Variants in COL6A2 observed in about 807,000 individuals in gnomAD.
COL6A2 encodes collagen type VI alpha 2 chain.
In COL6A2, 90 loss-of-function variants were observed where a neutral mutation model predicts 124.9. The observed-to-expected ratio is 0.72, with a 90% confidence interval of 0.61 to 0.86. COL6A2 has a LOEUF of 0.86. Ranked by LOEUF, COL6A2 falls within the 40% of genes least tolerant of loss-of-function variation. The probability of loss-of-function intolerance (pLI) is 0.00; values close to 1 mark genes in which losing one functional copy is unlikely to be tolerated. For synonymous variants in COL6A2, 793 were observed against 618.2 expected (o/e 1.28, Z -4.19); for missense variants, 1,607 against 1,502.5 (o/e 1.07, Z -1.15).
intron 27 of COL6A2, among the ~76,000 whole-genome samples, chr21:46,126,761 A>G (rs1176512845): frequency 2.0e-5 from 3 of 152,156 alleles, no homozygotes; most frequent in African/African-American, 7.2e-5. Context: ...CAGCATCACG[A>G]GGCCATGAGG....
Position 46,132,498 on chromosome 21 carries a change from T to C in COL6A2, c.3006T>C (p.Tyr1002=), listed in dbSNP as rs1430017136. ...DRAAVFHEKD[Y]DSLAQPGFFD... ...CCGCCGTGTTCCACGAGAAGGACTA[T>C]GACAGCCTGGCGCAACCCGGCTTCT... Residue 1002 remains tyrosine, a synonymous_variant, in exon 28 of 28, where the codon TAT becomes TAC. Transcript: ENST00000300527. 7.5e-6 allele frequency: 12 copies of C among 1,607,922 alleles called. No individual in the cohort carries two copies. The highest frequency in any genetic ancestry group is 1.0e-5 in the Non-Finnish European group (12 of 1,179,402).
chr21:46,123,968 T>TGTGA (rs151008479), intron 21 of COL6A2, among the ~76,000 whole-genome samples: 1 of 123,938 alleles, frequency 8.1e-6, no homozygotes, highest in African/African-American at 3.3e-5. Flanking sequence ...TAGATGGGTA[T>TGTGA]GTGAGTGAGT....
intron 3 of COL6A2, 108 bp downstream of exon 3, chr21:46,112,685 G>A (rs1165838512): frequency 6.3e-7 from 1 of 1,596,392 alleles, no homozygotes; most frequent in Non-Finnish European, 8.6e-7. Flanking sequence ...GGCCGAAGGA[G>A]GAAGCTCCGG....
intron 27 of COL6A2, 60 bp downstream of exon 27, chr21:46,126,601 C>T: frequency 6.2e-7 from 1 of 1,604,454 alleles, no homozygotes; most frequent in Non-Finnish European, 8.5e-7. Context: ...GGTGTCCTTC[C>T]TCCTCGAGGG....
chr21:46,126,291 G>C, intron 26 of COL6A2, 54 bp downstream of exon 26: 1 of 1,582,658 alleles, frequency 6.3e-7, no homozygotes, highest in Non-Finnish European at 8.6e-7. Flanking sequence ...CCCAGCCGCT[G>C]TCTAGCGTGA....
intron 1 of COL6A2, among the ~76,000 whole-genome samples, chr21:46,110,853 C>T (rs1488491122): frequency 2.2e-5 from 1 of 45,332 alleles, no homozygotes; most frequent in East Asian, 4.9e-4. Context: ...GGAGGATGGA[C>T]GTTCAAGGGC....
chr21:46,119,962 C>G (rs779943874), intron 15 of COL6A2, 112 bp downstream of exon 15: 9 of 939,968 alleles, frequency 9.6e-6, no homozygotes, highest in Non-Finnish European at 1.5e-5. Context: ...CAGGGCCTCA[C>G]TCTCCAGAGT....
chr21:46,112,796 T>C lies in COL6A2; in HGVS notation c.715-8T>C. On this transcript the variant is annotated splice_region_variant and splice_polypyrimidine_tract_variant and intron_variant, in intron 3 of 27. Transcript: ENST00000300527. ...CACGGCTAACCAGCATGTCTGTCTT[T>C]TCTGCAGAAACACGAAGCCTACGGA... is the stretch of plus-strand genomic sequence containing the variant. 1 of 1,613,836 alleles carries C rather than the reference T, an allele frequency of 6.2e-7. No homozygotes were observed. The highest frequency in any genetic ancestry group is 8.5e-7 in the Non-Finnish European group (1 of 1,180,010).
At chr21:46,108,700 G>T (rs2078361958) in intron 1 of COL6A2, among the ~76,000 whole-genome samples, 1 of 152,116 alleles carries the variant, frequency 6.6e-6, no homozygotes, top group Admixed American at 6.5e-5. Flanking sequence ...AGTGTTTGTG[G>T]CAACACTGTA....
intron 23 of COL6A2, 58 bp from the exon 24 acceptor site, chr21:46,125,208 C>G (rs1045503853): frequency 1.9e-4 from 281 of 1,512,398 alleles, no homozygotes; most frequent in Non-Finnish European, 2.4e-4. Flanking sequence ...CAGGACCTTG[C>G]TGTGGAAACT....
chr21:46,127,272 G>C (rs1807791862), intron 27 of COL6A2, among the ~76,000 whole-genome samples: 2 of 152,156 alleles, frequency 1.3e-5, no homozygotes, highest in South Asian at 4.1e-4. Context: ...ACCACAGGGA[G>C]GAAACCTCAG....
In COL6A2 at chr21:46,132,529, C is replaced by G; in HGVS notation, c.3037C>G (p.Arg1013Gly). 2 of 1,605,140 alleles carry G rather than the reference C, an allele frequency of 1.2e-6. No homozygotes were observed. The highest frequency in any genetic ancestry group is 1.7e-6 in the Non-Finnish European group (2 of 1,179,208). The change falls in exon 28 of 28, where the codon CGC becomes GGC. Residue 1013 changes from arginine to glycine, a missense_variant. Coordinates refer to ENST00000300527, the MANE Select transcript of COL6A2 (RefSeq NM_001849.4). Reference protein sequence around the residue: ...DSLAQPGFFDRFIRWIC With the variant: ...DSLAQPGFFDGFIRWIC ...CCTGGCGCAACCCGGCTTCTTCGACCGCTTCATCCGCTGGATCTGCTAGCG... is the reference window on the plus strand; with the variant it reads ...CCTGGCGCAACCCGGCTTCTTCGACGGCTTCATCCGCTGGATCTGCTAGCG...
In COL6A2 at chr21:46,125,770, G is replaced by A. The variant is rs372285273; in HGVS notation, c.1970-15G>A. 83 of 1,610,676 alleles carry A rather than the reference G, an allele frequency of 5.2e-5. No homozygotes were observed. Among genetic ancestry groups the A allele is most frequent in the African/African-American group, 2.5e-4 (19 of 75,012 alleles). ...CCGAGGCCTCTGGCAACGACCTCACGCGTGCGGCTTGCAGGGACGCGTGTG... is the reference window on the plus strand; with the variant it reads ...CCGAGGCCTCTGGCAACGACCTCACACGTGCGGCTTGCAGGGACGCGTGTG... On this transcript the variant is annotated splice_polypyrimidine_tract_variant and intron_variant, in intron 25 of 27. Transcript: ENST00000300527.
intron 15 of COL6A2, 84 bp downstream of exon 15, chr21:46,119,934 C>T (rs948780816): frequency 1.2e-5 from 14 of 1,189,240 alleles, no homozygotes; most frequent in Non-Finnish European, 1.5e-5. Context: ...CCATTCCTCC[C>T]AGAGAACAAC....
At chr21:46,101,900 C>A in intron 1 of COL6A2, among the ~76,000 whole-genome samples, 1 of 93,662 alleles carries the variant, frequency 1.1e-5, no homozygotes, top group African/African-American at 4.3e-5. Context: ...CCTTGAGATT[C>A]CATCTAAATT....
chr21:46,129,630 T>TGGGGCAGCTG, intron 27 of COL6A2: 1 of 1,428,762 alleles, frequency 7.0e-7, no homozygotes, highest in Non-Finnish European at 9.1e-7. Flanking sequence ...CCAGGGGCTC[T>TGGGGCAGCTG]GGGGCAGCTC....
chr21:46,102,820 T>G (rs1248254763), intron 1 of COL6A2, among the ~76,000 whole-genome samples: 1 of 152,190 alleles, frequency 6.6e-6, no homozygotes, highest in East Asian at 1.9e-4. Context: ...AGTTTACTAT[T>G]AATAGTATTT....
chr21:46,116,853 C>G lies in COL6A2; in HGVS notation c.999+39C>G. 6.2e-7 allele frequency: 1 copy of G among 1,610,932 alleles called. No individual in the cohort carries two copies. The highest frequency in any genetic ancestry group is 8.5e-7 in the Non-Finnish European group (1 of 1,178,628). On this transcript the variant is annotated intron_variant, in intron 10 of 27. Coordinates refer to ENST00000300527, the MANE Select transcript of COL6A2 (RefSeq NM_001849.4). This position sits in a 1 kb window ranked among gnomAD's most constrained non-coding sequence, Gnocchi z 4.6. Reference sequence around the variant, plus strand: ...CGGGCTCACAGCTGGACTGGTCTCACAGAGGCATCCCAGCCTCTGCAGGGC... The same window carrying G: ...CGGGCTCACAGCTGGACTGGTCTCAGAGAGGCATCCCAGCCTCTGCAGGGC...
chr21:46,109,355 G>A (rs1184564708), intron 1 of COL6A2, among the ~76,000 whole-genome samples: 7 of 152,180 alleles, frequency 4.6e-5, no homozygotes, highest in Admixed American at 4.6e-4. Flanking sequence ...GAGAGGGGAA[G>A]TGCATGCTGA....
Sources: allele counts gnomAD v4.1 joint callset (sites outside exome capture counted in the v4.1 genomes callset), GRCh38; gene constraint gnomAD v4.1.1; non-coding constraint Gnocchi (gnomAD v3.1); transcripts MANE v1.5; gene names NCBI Gene and HGNC (gene_info 2026-07-23, HGNC 2026-07-21).